Variants in PARP8 observed in about 807,000 individuals in gnomAD.
The protein encoded by PARP8 is protein mono-ADP-ribosyltransferase PARP8.
A neutral mutation model predicts 124.1 loss-of-function variants in PARP8; 51 were observed. The observed-to-expected ratio is 0.41, with a 90% CI of 0.33 to 0.52. The LOEUF (loss-of-function observed/expected upper bound fraction) is 0.52. PARP8 is among the 20% of genes least tolerant of loss of function. PARP8 has a pLI of 0.21. For synonymous variants in PARP8, 391 were observed against 361.5 expected (o/e 1.08, Z -0.93); for missense variants, 860 against 1,018.9 (o/e 0.84, Z 2.12).
At chr5:50,829,615 G>A (rs1580488590) in intron 21 of PARP8, among the ~76,000 whole-genome samples, 1 of 152,070 alleles carries the variant, frequency 6.6e-6, no homozygotes, top group East Asian at 1.9e-4. Context: ...TGAAATTTTA[G>A]ATCCATTAAA....
chr5:50,715,244 C>T (rs777809084), intron 2 of PARP8, among the ~76,000 whole-genome samples: 5 of 152,038 alleles, frequency 3.3e-5, no homozygotes, highest in East Asian at 1.9e-4. Context: ...CCACAGTTAT[C>T]GCTCTTTAGT....
intron 2 of PARP8, among the ~76,000 whole-genome samples, chr5:50,670,829 C>T (rs1749924356): frequency 1.3e-5 from 2 of 152,152 alleles, no homozygotes; most frequent in Admixed American, 1.3e-4. Context: ...GACACTTTAC[C>T]ATCAAAAAAT....
intron 4 of PARP8, 93 bp from the exon 5 acceptor site, chr5:50,760,199 A>G: frequency 9.3e-7 from 1 of 1,070,644 alleles, no homozygotes; most frequent in Non-Finnish European, 1.3e-6. Flanking sequence ...AGATGGAATC[A>G]CCTAAAGGGT....
chr5:50,731,293 C>A (rs75532761), intron 2 of PARP8, among the ~76,000 whole-genome samples: 6,399 of 152,140 alleles, frequency 0.042, 435 homozygotes, highest in African/African-American at 0.15. Flanking sequence ...AGAGTGAAAT[C>A]AAAAATCTCT....
chr5:50,793,800 C>G (rs1683494065), intron 10 of PARP8, among the ~76,000 whole-genome samples: 3 of 151,886 alleles, frequency 2.0e-5, no homozygotes, highest in African/African-American at 7.2e-5. Flanking sequence ...TAATTAGTAA[C>G]AAAAATTTTC....
At chr5:50,819,067 G>C (rs1745448921) in intron 15 of PARP8, among the ~76,000 whole-genome samples, 1 of 152,164 alleles carries the variant, frequency 6.6e-6, no homozygotes. Context: ...CAGACAAAAA[G>C]GTGGAAATGT....
intron 19 of PARP8, 151 bp from the exon 20 acceptor site, chr5:50,827,793 A>G (rs1171580478): frequency 6.5e-6 from 4 of 615,158 alleles, no homozygotes; most frequent in Non-Finnish European, 1.1e-5. Context: ...TTTTAAAAAC[A>G]TTATACAAAT....
Position 50,795,002 on chromosome 5 carries a change from G to A in PARP8, c.1013G>A (p.Arg338Lys). The change falls in exon 12 of 26, where the codon AGG (arginine) becomes AAG (lysine). Residue 338 changes from arginine to lysine, a missense_variant. Physicochemically the swap from Arg to Lys is conservative, Grantham distance 26. Around this residue, in one of 2 missense-constraint regions of PARP8, gnomAD observed 517 missense variants for 544.2 expected, o/e 0.95. Transcript: ENST00000281631. ...GATGTGTGTGTCACAAAGTCACACA[G>A]GACCTTTGGCCGCTCCTTGTCCAGC... ...TDDVCVTKSH[R>K]TFGRSLSSDP... is the part of the protein sequence containing the mutation. 1 of 1,614,222 alleles carries A rather than the reference G, an allele frequency of 6.2e-7. No homozygotes were observed. Among genetic ancestry groups the A allele is most frequent in the African/African-American group, 1.3e-5 (1 of 75,058 alleles).
chr5:50,701,447 AAAAG>A (rs951145666), intron 2 of PARP8, among the ~76,000 whole-genome samples: 12 of 152,170 alleles, frequency 7.9e-5, no homozygotes, highest in African/African-American at 1.7e-4. Context: ...TCTTCAAACA[AAAAG>A]AAAATGCTTT....
Position 50,734,240 on chromosome 5 carries a change from T to C in PARP8, c.147-15911T>C, listed in dbSNP as rs565252865. On this transcript the variant is annotated intron_variant, in intron 2 of 25. Transcript: ENST00000281631. ...TGAAATCTATATGTTATTATGGATC[T>C]CTTTTTTGGGGTTAGGATGAGCATT... 5.2e-4 allele frequency among the ~76,000 whole-genome samples: 79 copies of C among 152,308 alleles called. 1 individual carries two copies. The highest frequency in any genetic ancestry group is 8.5e-4 in the Admixed American group (13 of 15,308).
At chr5:50,742,889 G>A (rs1280545559) in intron 2 of PARP8, among the ~76,000 whole-genome samples, 4 of 152,160 alleles carry the variant, frequency 2.6e-5, no homozygotes, top group Non-Finnish European at 5.9e-5. Flanking sequence ...TGAAGGAGTC[G>A]AAGATGCTGT....
chr5:50,727,164 C>T (rs914571878), intron 2 of PARP8, among the ~76,000 whole-genome samples: 9 of 152,076 alleles, frequency 5.9e-5, no homozygotes, highest in Admixed American at 5.2e-4. Flanking sequence ...CTTTAGTTTT[C>T]TACCTATCAG....
intron 2 of PARP8, among the ~76,000 whole-genome samples, chr5:50,700,792 T>TA (rs1192180671): frequency 1.3e-5 from 2 of 152,170 alleles, no homozygotes; most frequent in African/African-American, 4.8e-5. Context: ...GTAGTAATGC[T>TA]AACTCAGCTA....
intron 2 of PARP8, among the ~76,000 whole-genome samples, chr5:50,696,714 A>G (rs1276689785): frequency 3.3e-5 from 5 of 151,808 alleles, no homozygotes; most frequent in Non-Finnish European, 7.4e-5. Context: ...TGTTTGTTTC[A>G]CGCCATCCCT....
chr5:50,697,913 C>G (rs1170649446), intron 2 of PARP8, among the ~76,000 whole-genome samples: 1 of 152,218 alleles, frequency 6.6e-6, no homozygotes, highest in Non-Finnish European at 1.5e-5. Flanking sequence ...AAAATAACCA[C>G]TGTGCTGGTC....
At chr5:50,828,097 A>G in intron 20 of PARP8, 41 bp downstream of exon 20, 42 of 1,426,572 alleles carry the variant, frequency 2.9e-5, no homozygotes, top group Non-Finnish European at 4.1e-5. Flanking sequence ...GCTCCCATTA[A>G]CATTTTCCAG....
At chr5:50,780,931 GT>G (rs36082288) in intron 9 of PARP8, among the ~76,000 whole-genome samples, 152,159 of 152,192 alleles carry the variant, frequency 1, 76,063 homozygotes, top group Non-Finnish European at 1. Context: ...TTTTTGGACT[GT>G]TTTTTTCTTC....
intron 2 of PARP8, among the ~76,000 whole-genome samples, chr5:50,748,883 G>A (rs1758908915): frequency 6.6e-6 from 1 of 152,020 alleles, no homozygotes; most frequent in Non-Finnish European, 1.5e-5. Context: ...CACTCAAATT[G>A]GGAAATTTTT....
At chr5:50,779,557 A>T (rs1375288063) in intron 9 of PARP8, among the ~76,000 whole-genome samples, 1 of 152,168 alleles carries the variant, frequency 6.6e-6, no homozygotes. Context: ...TACCATGGTG[A>T]CTGGGATGCA....
Sources: allele counts gnomAD v4.1 joint callset (sites outside exome capture counted in the v4.1 genomes callset), GRCh38; gene constraint gnomAD v4.1.1; regional missense constraint gnomAD v4.1.1; transcripts MANE v1.5; gene names NCBI Gene and HGNC (gene_info 2026-07-23, HGNC 2026-07-21).